Variants in CTPS2 observed in about 807,000 individuals in gnomAD.
CTPS2 encodes the protein CTP synthase II.
CTPS2 carries 19 observed loss-of-function variants against 46.8 expected under a neutral mutation model. The ratio of observed to expected loss-of-function variants is 0.41; its 90% CI spans 0.28 to 0.60. The LOEUF is 0.60. CTPS2 is among the 20% of genes least tolerant of loss of function. The pLI is 0.35. For synonymous variants in CTPS2, 151 were observed against 165.2 expected, an observed-to-expected ratio of 0.91 and a Z score of 0.66; for missense variants, 286 against 447.6, an observed-to-expected ratio of 0.64 and a Z score of 3.26.
chrX:16,638,271 A>C (rs1699098256), intron 14 of CTPS2, among the ~76,000 whole-genome samples: 1 of 109,996 alleles, frequency 9.1e-6, no homozygotes, highest in East Asian at 2.9e-4. Context: ...AAAAAAAAAA[A>C]AGAATTCTTA....
In CTPS2 at chrX:16,647,255, C is replaced by CTTTTTTTTT. The variant is rs746634342; in HGVS notation, c.1297-8021_1297-8013dup. On this transcript the variant is annotated intron_variant, in intron 13 of 18. Transcript: ENST00000359276. ...GACAATAGGCAGCATTGGGCCCATT[C>CTTTTTTTTT]TTTTTTTTTTTTTTTTTTTTTTTTT... is the stretch of plus-strand genomic sequence containing the variant. Among the ~76,000 whole-genome samples the CTTTTTTTTT allele has an allele frequency of 2.1e-3, 83 of 39,755 alleles. 7 individuals are homozygous for CTTTTTTTTT. Among genetic ancestry groups the CTTTTTTTTT allele is most frequent in the African/African-American group, 8.1e-3 (80 of 9,882 alleles). 34.5% of individuals were successfully genotyped at this position (39,755 alleles called of 115,157 possible).
At chrX:16,710,020 C>T (rs1037796775) in intron 1 of CTPS2, among the ~76,000 whole-genome samples, 2 of 109,756 alleles carry the variant, frequency 1.8e-5, no homozygotes, top group Non-Finnish European at 3.8e-5. Context: ...TTCTCCTGCC[C>T]TCCTGTCTCT....
At chrX:16,691,971 C>T (rs1923734144) in intron 6 of CTPS2, among the ~76,000 whole-genome samples, 1 of 111,481 alleles carries the variant, frequency 9.0e-6, no homozygotes, top group Admixed American at 9.7e-5. Flanking sequence ...TCCTGATCCT[C>T]AATTGAGGTG....
intron 13 of CTPS2, among the ~76,000 whole-genome samples, chrX:16,661,232 T>C (rs1932944371): frequency 8.9e-6 from 1 of 112,304 alleles, no homozygotes; most frequent in South Asian, 3.7e-4. Flanking sequence ...AGTGCTGGGA[T>C]TACAGGTGTG....
chrX:16,707,906 C>T (rs537846213), intron 1 of CTPS2, among the ~76,000 whole-genome samples: 7 of 110,899 alleles, frequency 6.3e-5, no homozygotes, highest in South Asian at 3.8e-4. Context: ...CACTTGAAGC[C>T]GGGAGGCGGA....
At chrX:16,598,196 A>T (rs1929402015) in intron 17 of CTPS2, among the ~76,000 whole-genome samples, 1 of 111,799 alleles carries the variant, frequency 8.9e-6, no homozygotes, top group South Asian at 3.7e-4. Flanking sequence ...AAGACAAGAA[A>T]TAACTAAAAT....
intron 13 of CTPS2, among the ~76,000 whole-genome samples, chrX:16,644,767 G>A (rs1796586040): frequency 8.9e-6 from 1 of 112,386 alleles, no homozygotes; most frequent in Non-Finnish European, 1.9e-5. Context: ...TGTGTTTGTG[G>A]TAATTTGTTA....
chrX:16,709,083 TG>T (rs1278708778), intron 1 of CTPS2, among the ~76,000 whole-genome samples: 1 of 109,168 alleles, frequency 9.2e-6, no homozygotes, highest in Non-Finnish European at 1.9e-5. Context: ...CACTCCAGCC[TG>T]GGGGACAAGA....
chrX:16,624,270 A>C (rs1453054838), intron 14 of CTPS2, among the ~76,000 whole-genome samples: 1 of 112,308 alleles, frequency 8.9e-6, no homozygotes, highest in East Asian at 2.8e-4. Flanking sequence ...ATCAGAAATG[A>C]ATTTACAAAA....
At chrX:16,611,052 G>A in intron 16 of CTPS2, among the ~76,000 whole-genome samples, 1 of 111,954 alleles carries the variant, frequency 8.9e-6, no homozygotes, top group Non-Finnish European at 1.9e-5. Context: ...GGAAGGAAAG[G>A]GGAGTGCAAG....
chrX:16,680,230 C>T (rs772263261), intron 9 of CTPS2, among the ~76,000 whole-genome samples: 1 of 111,698 alleles, frequency 9.0e-6, no homozygotes, highest in African/African-American at 3.2e-5. Context: ...AACAGTCCCT[C>T]TCTATCTATA....
intron 1 of CTPS2, among the ~76,000 whole-genome samples, chrX:16,710,615 T>TTTGTTG (rs752125009): frequency 9.0e-6 from 1 of 111,532 alleles, no homozygotes; most frequent in Non-Finnish European, 1.9e-5. Flanking sequence ...TTCTTCCTAC[T>TTTGTTG]TTGTTGTTGT....
chrX:16,701,983 G>A (rs1924610661), intron 2 of CTPS2, among the ~76,000 whole-genome samples: 1 of 111,250 alleles, frequency 9.0e-6, no homozygotes. Flanking sequence ...GTACACTTAT[G>A]ATTTATGCAC....
intron 16 of CTPS2, among the ~76,000 whole-genome samples, chrX:16,613,241 C>A (rs1346473638): frequency 8.9e-6 from 1 of 112,029 alleles, no homozygotes; most frequent in African/African-American, 3.2e-5. Flanking sequence ...ATCACGGTAC[C>A]ATTTTTACAG....
At chrX:16,617,570 G>A (rs770113535) in intron 15 of CTPS2, among the ~76,000 whole-genome samples, 37 of 112,138 alleles carry the variant, frequency 3.3e-4, no homozygotes, top group Non-Finnish European at 5.1e-4. Flanking sequence ...CTTGAGTTAT[G>A]TGTACTTCCC....
At chrX:16,668,074 C>T (rs1427612239) in intron 11 of CTPS2, among the ~76,000 whole-genome samples, 2 of 109,581 alleles carry the variant, frequency 1.8e-5, no homozygotes, top group African/African-American at 6.7e-5. Context: ...ACCAGCCTGG[C>T]CAACATGGTG....
intron 16 of CTPS2, among the ~76,000 whole-genome samples, chrX:16,613,871 G>A (rs1027036979): frequency 1.8e-5 from 2 of 111,536 alleles, no homozygotes; most frequent in African/African-American, 3.3e-5. Context: ...GATTACAGGC[G>A]TGAGCCACTG....
intron 14 of CTPS2, among the ~76,000 whole-genome samples, chrX:16,623,933 G>A (rs1042767439): frequency 1.8e-4 from 19 of 104,244 alleles, no homozygotes; most frequent in Middle Eastern, 4.9e-3. Flanking sequence ...TCAGCCTCCC[G>A]AGTAGCTGGG....
At chrX:16,704,742 G>A (rs1924858764) in intron 1 of CTPS2, among the ~76,000 whole-genome samples, 1 of 110,835 alleles carries the variant, frequency 9.0e-6, no homozygotes. Flanking sequence ...GAGGTCGGGA[G>A]GTCAAGACCA....
Sources: gnomAD v4.1 joint callset for allele counts (sites outside exome capture counted in the v4.1 genomes callset) on GRCh38, gnomAD v4.1.1 for gene constraint, MANE v1.5 for transcripts, NCBI Gene and HGNC (gene_info 2026-07-23, HGNC 2026-07-21) for gene names.